Variants in MROH9 observed in about 807,000 individuals in gnomAD.
The protein encoded by MROH9 is maestro heat like repeat family member 9, also known as maestro heat-like repeat-containing protein family member 9.
MROH9 carries 92 observed loss-of-function variants against 98.2 expected under a neutral mutation model. The ratio of observed to expected loss-of-function variants is 0.94; its 90% CI spans 0.79 to 1.11. The LOEUF (loss-of-function observed/expected upper bound fraction) is 1.11, where lower values mean the gene tolerates loss of function less well. Among genes scored for constraint, MROH9 ranks in the 50% most tolerant of loss-of-function variants. The pLI, the probability that MROH9 is intolerant of heterozygous loss-of-function variation, is 0.00. For missense variants in MROH9, 1,057 were observed against 1,014.8 expected, an observed-to-expected ratio of 1.04 and a Z score of -0.57; for synonymous variants, 397 against 368.9, an observed-to-expected ratio of 1.08 and a Z score of -0.87.
intron 3 of MROH9, among the ~76,000 whole-genome samples, chr1:170,958,143 G>A (rs1042281719): frequency 2.6e-5 from 4 of 152,122 alleles, no homozygotes; most frequent in Admixed American, 6.5e-5. Context: ...TCCACACTGT[G>A]TAGATGGGAC....
chr1:170,970,978 A>C (rs906496068), intron 7 of MROH9, among the ~76,000 whole-genome samples: 1 of 152,196 alleles, frequency 6.6e-6, no homozygotes, highest in African/African-American at 2.4e-5. Context: ...TAGTTTGCCA[A>C]ATCTACATTT....
chr1:170,943,287 A>G (rs1649195514), intron 1 of MROH9, among the ~76,000 whole-genome samples: 2 of 152,096 alleles, frequency 1.3e-5, no homozygotes, highest in Non-Finnish European at 2.9e-5. Context: ...ATGGAGTGTT[A>G]AAAATACTCC....
At chr1:171,063,252 ATTTTTT>A (rs11385110) in intron 21 of MROH9, among the ~76,000 whole-genome samples, 2 of 124,944 alleles carry the variant, frequency 1.6e-5, no homozygotes, top group East Asian at 2.3e-4. Context: ...ATTATCCCGG[ATTTTTT>A]TTTTTTTTTT....
intron 5 of MROH9, 45 bp downstream of exon 5, chr1:170,959,642 T>C (rs1245164285): frequency 6.4e-7 from 1 of 1,569,144 alleles, no homozygotes; most frequent in Admixed American, 1.7e-5. Context: ...TTATTACACA[T>C]CACAGCAATC....
chr1:171,019,848 T>A (rs1319694300), intron 17 of MROH9, among the ~76,000 whole-genome samples: 1 of 150,964 alleles, frequency 6.6e-6, no homozygotes, highest in East Asian at 2.0e-4. Flanking sequence ...GCTGAAAAAA[T>A]TAACAAAATA....
At chr1:171,043,775 G>A (rs1653379427) in intron 20 of MROH9, among the ~76,000 whole-genome samples, 1 of 151,724 alleles carries the variant, frequency 6.6e-6, no homozygotes, top group Non-Finnish European at 1.5e-5. Context: ...TTTTCACATT[G>A]TTCACTTGGC....
At chr1:170,984,271 C>T (rs755967198) in intron 9 of MROH9, among the ~76,000 whole-genome samples, 2 of 152,154 alleles carry the variant, frequency 1.3e-5, no homozygotes, top group African/African-American at 4.8e-5. Flanking sequence ...CTTAAAACTA[C>T]ATGTATAAAG....
chr1:170,995,319 C>A, intron 12 of MROH9, 70 bp from the exon 13 acceptor site: 2 of 1,559,812 alleles, frequency 1.3e-6, no homozygotes, highest in South Asian at 2.3e-5. Flanking sequence ...TCTCTTGCTC[C>A]CCTCAGTAAG....
chr1:171,045,512 G>GA (rs1381216507), intron 20 of MROH9, among the ~76,000 whole-genome samples: 2 of 151,988 alleles, frequency 1.3e-5, no homozygotes, highest in Non-Finnish European at 2.9e-5. Flanking sequence ...TTTGTTTCAA[G>GA]AAATTTTTTA....
At chr1:171,013,073 C>G (rs1652214645) in intron 15 of MROH9, among the ~76,000 whole-genome samples, 1 of 152,200 alleles carries the variant, frequency 6.6e-6, no homozygotes, top group Non-Finnish European at 1.5e-5. Context: ...GGCCTTTGCA[C>G]ATGGTTCACC....
At chr1:171,059,222 G>A (rs1460295884) in intron 20 of MROH9, among the ~76,000 whole-genome samples, 2 of 152,136 alleles carry the variant, frequency 1.3e-5, no homozygotes, top group Non-Finnish European at 2.9e-5. Flanking sequence ...AGTAACAAAA[G>A]TGGGCAAAGG....
chr1:171,037,363 G>A (rs1400940969), intron 20 of MROH9, among the ~76,000 whole-genome samples: 3 of 151,226 alleles, frequency 2.0e-5, no homozygotes, highest in Admixed American at 2.0e-4. Context: ...AAGAAGGAAG[G>A]ATAGACAGAA....
chr1:171,055,506 C>A (rs927190587), intron 20 of MROH9, among the ~76,000 whole-genome samples: 1 of 151,638 alleles, frequency 6.6e-6, no homozygotes, highest in Non-Finnish European at 1.5e-5. Flanking sequence ...GCCTGTAATT[C>A]CAGCTACTTG....
At chr1:170,947,872 A>G (rs1453259653) in intron 3 of MROH9, among the ~76,000 whole-genome samples, 2 of 151,982 alleles carry the variant, frequency 1.3e-5, no homozygotes, top group Non-Finnish European at 2.9e-5. Flanking sequence ...ACTGGTCTCT[A>G]GGATAGTCTC....
At chr1:171,012,679 T>A (rs1317652120) in intron 15 of MROH9, among the ~76,000 whole-genome samples, 1 of 151,756 alleles carries the variant, frequency 6.6e-6, no homozygotes, top group Non-Finnish European at 1.5e-5. Flanking sequence ...ATTTTTTGTA[T>A]TTTTTAGTAG....
At chr1:170,974,392 G>GA (rs1414246528) in intron 8 of MROH9, among the ~76,000 whole-genome samples, 1 of 151,548 alleles carries the variant, frequency 6.6e-6, no homozygotes, top group Non-Finnish European at 1.5e-5. Context: ...AAGTGATAAA[G>GA]AAAAAAATCT....
intron 1 of MROH9, among the ~76,000 whole-genome samples, chr1:170,938,627 G>A (rs1648992224): frequency 6.6e-6 from 1 of 152,232 alleles, no homozygotes; most frequent in African/African-American, 2.4e-5. Flanking sequence ...TTGATCAGAA[G>A]CAATGCTGTG....
chr1:170,937,013 G>A (rs1465855865), intron 1 of MROH9, among the ~76,000 whole-genome samples: 1 of 152,188 alleles, frequency 6.6e-6, no homozygotes, highest in African/African-American at 2.4e-5. Flanking sequence ...TGACCTTGCA[G>A]CTGCACAGCT....
chr1:170,953,871 G>A (rs2206563), intron 3 of MROH9, among the ~76,000 whole-genome samples: 71,672 of 141,392 alleles, frequency 0.51, 17,962 homozygotes, highest in East Asian at 0.73. Context: ...AAGAGAGAGA[G>A]AGAGAGAGAA....
Sources: allele counts gnomAD v4.1 joint callset (sites outside exome capture counted in the v4.1 genomes callset), GRCh38; gene constraint gnomAD v4.1.1; transcripts MANE v1.5; gene names NCBI Gene and HGNC (gene_info 2026-07-23, HGNC 2026-07-21).